Variants in PAX7 observed in about 807,000 individuals in gnomAD.
PAX7 encodes paired box protein Pax-7.
PAX7 carries 18 observed loss-of-function variants against 50.7 expected under a neutral mutation model. The observed-to-expected ratio is 0.36, with a 90% CI of 0.25 to 0.53. The LOEUF is 0.53. Among genes scored for constraint, PAX7 ranks in the 20% least tolerant of loss-of-function variants. The pLI is 0.93. For synonymous variants in PAX7, 310 were observed against 290.4 expected (o/e 1.07, Z -0.69); for missense variants, 644 against 702.9 (o/e 0.92, Z 0.95).
intron 7 of PAX7, among the ~76,000 whole-genome samples, chr1:18,718,199 C>A (rs1021989003): frequency 6.6e-6 from 1 of 152,220 alleles, no homozygotes; most frequent in Non-Finnish European, 1.5e-5. Flanking sequence ...TTCAGCTGAA[C>A]TGAGTTCACT....
At chr1:18,733,595 G>T (rs779525643) in intron 7 of PAX7, among the ~76,000 whole-genome samples, 1 of 152,154 alleles carries the variant, frequency 6.6e-6, no homozygotes, top group African/African-American at 2.4e-5. Context: ...AAAGGTGGAG[G>T]AGGGGAGACC....
intron 7 of PAX7, among the ~76,000 whole-genome samples, chr1:18,714,236 A>AATAAATAG (rs2100352114): frequency 6.6e-6 from 1 of 150,870 alleles, no homozygotes; most frequent in Non-Finnish European, 1.5e-5. Flanking sequence ...TAAATAAATA[A>AATAAATAG]ATATACAAAA....
chr1:18,669,383 T>C (rs1170551899), intron 4 of PAX7, among the ~76,000 whole-genome samples: 1 of 152,146 alleles, frequency 6.6e-6, no homozygotes, highest in Non-Finnish European at 1.5e-5. Flanking sequence ...AGTGACCATA[T>C]GGTGGCACCC....
intron 8 of PAX7, 115 bp from the exon 9 acceptor site, chr1:18,744,699 T>C (rs1240248435): frequency 3.2e-6 from 2 of 629,456 alleles, no homozygotes; most frequent in Non-Finnish European, 5.8e-6. Context: ...AATGGATGGA[T>C]GGATGGATGG....
chr1:18,666,218 T>A (rs751215959), intron 4 of PAX7, among the ~76,000 whole-genome samples: 1 of 152,210 alleles, frequency 6.6e-6, no homozygotes, highest in Non-Finnish European at 1.5e-5. Flanking sequence ...GCTGTGCCCA[T>A]CTAATTCATT....
intron 7 of PAX7, among the ~76,000 whole-genome samples, chr1:18,722,015 T>C (rs1400060015): frequency 6.6e-6 from 1 of 152,232 alleles, no homozygotes; most frequent in African/African-American, 2.4e-5. Flanking sequence ...TGTGCCTCCA[T>C]TTGCTCATCT....
chr1:18,694,849 A>G (rs1041341883), intron 5 of PAX7, among the ~76,000 whole-genome samples: 3 of 152,214 alleles, frequency 2.0e-5, no homozygotes, highest in Non-Finnish European at 2.9e-5. Context: ...TGAGATTCCC[A>G]TTACCAGAAG....
chr1:18,745,212 C>T lies in PAX7; in HGVS notation c.*283C>T, dbSNP rs1314139337. On this transcript the variant is annotated 3_prime_UTR_variant, in exon 9 of 9. Coordinates refer to ENST00000420770, the MANE Select transcript of PAX7 (RefSeq NM_001135254.2). ...GTCAAATCCCATGGTGGCCTCTGTGCCATCTCAGGCATGGAGATTGGGGCC... is the reference window on the plus strand; with the variant it reads ...GTCAAATCCCATGGTGGCCTCTGTGTCATCTCAGGCATGGAGATTGGGGCC... 2.1e-5 allele frequency: 10 copies of T among 466,594 alleles called. No individual in the cohort carries two copies. The highest frequency in any genetic ancestry group is 3.5e-5 in the Non-Finnish European group (9 of 258,928). 28.9% of individuals were successfully genotyped at this position (466,594 alleles called of 1,614,324 possible).
In PAX7 at chr1:18,636,353, G is replaced by A; in HGVS notation, c.568G>A (p.Gly190Ser). ...GEKKAKHSID[G>S]ILGDKGNRLD... ...AAAGAAGGCCAAACACAGCATCGAC[G>A]GCATCCTGGGCGACAAAGGTAGGGA... The change falls in exon 4 of 9, where the codon GGC (glycine) becomes AGC (serine). Residue 190 changes from glycine to serine, a missense_variant. Gly to Ser is a moderately conservative substitution (Grantham distance 56). Coordinates refer to ENST00000420770, the MANE Select transcript of PAX7 (RefSeq NM_001135254.2). The surrounding 1 kb of genome is among the most constrained non-coding windows in gnomAD (Gnocchi z 5.1). 4 of 1,614,166 alleles carry A rather than the reference G, an allele frequency of 2.5e-6. No individual in the cohort carries two copies. The South Asian group carries it at 3.3e-5, about 13-fold the overall frequency.
At position 18,634,219 on chromosome 1, in the gene PAX7, C is replaced by T; in HGVS notation, c.86-84C>T. ...GGTCTTGGGGCTCAAACAAACAAAA[C>T]TGGAGTCAGGGAGTGTACTCAGTGT... On this transcript the variant is annotated intron_variant, in intron 1 of 8. Coordinates refer to ENST00000420770, the MANE Select transcript of PAX7 (RefSeq NM_001135254.2). This position sits in a 1 kb window ranked among gnomAD's most constrained non-coding sequence, Gnocchi z 4.0. 3.6e-6 allele frequency: 4 copies of T among 1,116,484 alleles called. No individual in the cohort carries two copies. The highest frequency in any genetic ancestry group is 5.2e-6 in the Non-Finnish European group (4 of 771,046). 69.2% of individuals were successfully genotyped at this position (1,116,484 alleles called of 1,614,324 possible).
At chr1:18,720,243 A>G (rs2089477624) in intron 7 of PAX7, among the ~76,000 whole-genome samples, 1 of 152,178 alleles carries the variant, frequency 6.6e-6, no homozygotes, top group African/African-American at 2.4e-5. Flanking sequence ...CAGATGCTCC[A>G]TAAGCTCCCT....
At chr1:18,645,698 T>C (rs1482367315) in intron 4 of PAX7, among the ~76,000 whole-genome samples, 1 of 152,164 alleles carries the variant, frequency 6.6e-6, no homozygotes, top group Non-Finnish European at 1.5e-5. Context: ...TGCAGGGAGA[T>C]TGTGAGTCTG....
chr1:18,728,056 G>A (rs1487910036), intron 7 of PAX7, among the ~76,000 whole-genome samples: 3 of 152,168 alleles, frequency 2.0e-5, no homozygotes, highest in Non-Finnish European at 4.4e-5. Flanking sequence ...GGTAATTTCT[G>A]GCTTGCACTA....
intron 7 of PAX7, among the ~76,000 whole-genome samples, chr1:18,707,194 A>G (rs1291543948): frequency 6.6e-6 from 1 of 152,198 alleles, no homozygotes; most frequent in Admixed American, 6.5e-5. Flanking sequence ...TGACAGTACA[A>G]CAGGGTCAGA....
chr1:18,723,364 G>A (rs917469661), intron 7 of PAX7, among the ~76,000 whole-genome samples: 1 of 152,248 alleles, frequency 6.6e-6, no homozygotes, highest in East Asian at 1.9e-4. Flanking sequence ...ATCGTGTCAA[G>A]TTGACTCCTC....
At chr1:18,680,918 G>A (rs969133296) in intron 4 of PAX7, among the ~76,000 whole-genome samples, 8 of 152,082 alleles carry the variant, frequency 5.3e-5, no homozygotes, top group Non-Finnish European at 1.0e-4. Flanking sequence ...AGCACTTTGG[G>A]AGGCTTTGGG....
At chr1:18,742,943 G>C (rs1447625777) in intron 8 of PAX7, among the ~76,000 whole-genome samples, 1 of 152,190 alleles carries the variant, frequency 6.6e-6, no homozygotes, top group Non-Finnish European at 1.5e-5. Context: ...CTGCAGACAA[G>C]GAAGCAGGTC....
intron 4 of PAX7, among the ~76,000 whole-genome samples, chr1:18,686,893 A>ATT (rs774061568): frequency 0.1 from 5,215 of 50,744 alleles, 123 homozygotes; most frequent in Admixed American, 0.13. Flanking sequence ...TTTTATTATT[A>ATT]TTATTATTAT....
intron 4 of PAX7, among the ~76,000 whole-genome samples, chr1:18,664,572 C>A (rs1041781746): frequency 1.3e-5 from 2 of 152,134 alleles, no homozygotes; most frequent in Non-Finnish European, 2.9e-5. Context: ...TCCTCACAGC[C>A]CTCTATGAAC....
Sources: allele counts gnomAD v4.1 joint callset (sites outside exome capture counted in the v4.1 genomes callset), GRCh38; gene constraint gnomAD v4.1.1; non-coding constraint Gnocchi (gnomAD v3.1); transcripts MANE v1.5; gene names NCBI Gene and HGNC (gene_info 2026-07-23, HGNC 2026-07-21).